The following RBFOX1 variants were observed in gnomAD, a reference collection of about 807,000 sequenced individuals.
The protein encoded by RBFOX1 is RNA binding protein fox-1 homolog 1.
RBFOX1 carries 8 observed loss-of-function variants against 57.7 expected under a neutral mutation model. The observed-to-expected ratio is 0.14, with a 90% confidence interval of 0.08 to 0.25. RBFOX1 has a LOEUF of 0.25. Among genes scored for constraint, RBFOX1 ranks in the 10% least tolerant of loss-of-function variants. RBFOX1 has a pLI of 1.00. For synonymous variants in RBFOX1, 326 were observed against 222.4 expected (o/e 1.47, Z -4.15); for missense variants, 611 against 548.5 (o/e 1.11, Z -1.14).
chr16:6,872,428 T>C (rs1212394329), intron 3 of RBFOX1, among the ~76,000 whole-genome samples: 1 of 152,188 alleles, frequency 6.6e-6, no homozygotes, highest in African/African-American at 2.4e-5. Flanking sequence ...TTTAACACTT[T>C]AAGAACTATT....
intron 4 of RBFOX1, among the ~76,000 whole-genome samples, chr16:5,923,722 G>C (rs1249098303): frequency 6.6e-6 from 1 of 151,796 alleles, no homozygotes; most frequent in Non-Finnish European, 1.5e-5. Context: ...TGTGTTTTTA[G>C]TGGAGATGGG....
intron 4 of RBFOX1, among the ~76,000 whole-genome samples, chr16:7,430,864 A>G (rs550101798): frequency 6.6e-6 from 1 of 152,236 alleles, no homozygotes; most frequent in Non-Finnish European, 1.5e-5. Context: ...CTTGGTTATC[A>G]TGAATATTAA....
At chr16:6,514,606 C>A (rs532298323) in intron 2 of RBFOX1, among the ~76,000 whole-genome samples, 1 of 152,300 alleles carries the variant, frequency 6.6e-6, no homozygotes, top group African/African-American at 2.4e-5. Flanking sequence ...CCCCTCACCA[C>A]GCATTTGTGT....
At chr16:7,204,116 C>T (rs1315672253) in intron 4 of RBFOX1, among the ~76,000 whole-genome samples, 2 of 152,168 alleles carry the variant, frequency 1.3e-5, no homozygotes, top group African/African-American at 2.4e-5. Context: ...GTGGGAAATC[C>T]ACGGCACCCA....
At chr16:6,617,540 T>A (rs1296493818) in intron 2 of RBFOX1, among the ~76,000 whole-genome samples, 1 of 152,036 alleles carries the variant, frequency 6.6e-6, no homozygotes, top group Non-Finnish European at 1.5e-5. Context: ...GAGATCAAGA[T>A]GGCCATGTGG....
At chr16:6,503,771 G>A (rs12449216) in intron 2 of RBFOX1, among the ~76,000 whole-genome samples, 33,892 of 152,092 alleles carry the variant, frequency 0.22, 4,338 homozygotes, top group Non-Finnish European at 0.29. Context: ...AGTGAGTGAT[G>A]TCTCGCGATG....
intron 4 of RBFOX1, among the ~76,000 whole-genome samples, chr16:7,213,659 A>G (rs1477323061): frequency 6.6e-6 from 1 of 152,128 alleles, no homozygotes; most frequent in South Asian, 2.1e-4. Context: ...GAGCTATCTC[A>G]TTTAATAATC....
At chr16:5,644,204 GT>G (rs960794690) in intron 3 of RBFOX1, among the ~76,000 whole-genome samples, 15 of 152,062 alleles carry the variant, frequency 9.9e-5, no homozygotes, top group African/African-American at 3.1e-4. Flanking sequence ...AAGTGTGTGT[GT>G]TTTTTTCCTT....
At chr16:6,112,052 T>C (rs2096452782) in intron 1 of RBFOX1, among the ~76,000 whole-genome samples, 1 of 152,178 alleles carries the variant, frequency 6.6e-6, no homozygotes, top group African/African-American at 2.4e-5. Context: ...ATAGATTGAA[T>C]GAAGTATTTC....
At chr16:6,792,319 C>A (rs1187157875) in intron 3 of RBFOX1, among the ~76,000 whole-genome samples, 1 of 152,114 alleles carries the variant, frequency 6.6e-6, no homozygotes, top group African/African-American at 2.4e-5. Context: ...TCAGGATGAT[C>A]CCTAAGGACG....
At chr16:7,366,605 T>A (rs1209971769) in intron 4 of RBFOX1, among the ~76,000 whole-genome samples, 1 of 152,162 alleles carries the variant, frequency 6.6e-6, no homozygotes, top group Non-Finnish European at 1.5e-5. Context: ...TGGAATGTAT[T>A]TGAAACTCTG....
At chr16:6,894,325 T>G (rs2153385367) in intron 3 of RBFOX1, among the ~76,000 whole-genome samples, 1 of 152,276 alleles carries the variant, frequency 6.6e-6, no homozygotes, top group African/African-American at 2.4e-5. Context: ...ATCCCCCAGA[T>G]AGCTCTGTGT....
chr16:5,943,556 G>T (rs2152268109), intron 4 of RBFOX1, among the ~76,000 whole-genome samples: 1 of 152,256 alleles, frequency 6.6e-6, no homozygotes, highest in East Asian at 1.9e-4. Context: ...CACAGCACTG[G>T]GAGACCCTAA....
chr16:6,767,419 A>C (rs1192340298), intron 3 of RBFOX1, among the ~76,000 whole-genome samples: 1 of 152,190 alleles, frequency 6.6e-6, no homozygotes, highest in East Asian at 1.9e-4. Context: ...AATTCTCTGA[A>C]TGTAGCCCTG....
intron 4 of RBFOX1, among the ~76,000 whole-genome samples, chr16:7,384,876 G>C (rs1213699759): frequency 1.3e-5 from 2 of 152,206 alleles, no homozygotes; most frequent in Non-Finnish European, 2.9e-5. Context: ...AAATAACTGT[G>C]TAAATTAATA....
At chr16:7,563,129 G>C (rs890169558) in intron 5 of RBFOX1, among the ~76,000 whole-genome samples, 1 of 152,146 alleles carries the variant, frequency 6.6e-6, no homozygotes, top group African/African-American at 2.4e-5. Context: ...GAATCCTCTT[G>C]TCTGAGTCAT....
chr16:5,276,057 T>C (rs1247443606), intron 1 of RBFOX1, among the ~76,000 whole-genome samples: 1 of 152,170 alleles, frequency 6.6e-6, no homozygotes, highest in Non-Finnish European at 1.5e-5. Context: ...AAGACTTAAA[T>C]CTAAGGTCTG....
intron 2 of RBFOX1, among the ~76,000 whole-genome samples, chr16:6,486,529 C>T (rs193211162): frequency 2.0e-5 from 3 of 152,040 alleles, no homozygotes; most frequent in Admixed American, 6.6e-5. Context: ...AGGGAGTTGG[C>T]GTAAGTTCTT....
intron 1 of RBFOX1, among the ~76,000 whole-genome samples, chr16:6,150,928 G>A (rs2152723776): frequency 6.6e-6 from 1 of 152,256 alleles, no homozygotes; most frequent in East Asian, 1.9e-4. Flanking sequence ...GACACCTTGG[G>A]CGCCCTACAT....
Sources: allele counts gnomAD v4.1 joint callset (sites outside exome capture counted in the v4.1 genomes callset), GRCh38; gene constraint gnomAD v4.1.1; transcripts MANE v1.5; gene names NCBI Gene and HGNC (gene_info 2026-07-23, HGNC 2026-07-21).